The following HFM1 variants were observed in gnomAD, a reference collection of about 807,000 sequenced individuals.
HFM1 encodes the protein helicase for meiosis 1.
Under a neutral mutation model 192.1 loss-of-function variants are expected in HFM1, and 169 were observed. The ratio of observed to expected loss-of-function variants is 0.88; its 90% confidence interval spans 0.78 to 1.00. HFM1 has a LOEUF of 1.00. Among genes scored for constraint, HFM1 ranks in the 50% least tolerant of loss-of-function variants. HFM1 has a pLI of 0.00. For missense variants in HFM1, 1,661 were observed against 1,668.0 expected, an observed-to-expected ratio of 1.00 and a Z score of 0.07; for synonymous variants, 525 against 537.8, an observed-to-expected ratio of 0.98 and a Z score of 0.33.
chr1:91,400,906 TC>T (rs1664237362), intron 2 of HFM1, 105 bp downstream of exon 2: 1 of 546,622 alleles, frequency 1.8e-6, no homozygotes, highest in South Asian at 3.0e-5. Context: ...TTCTGTTGAT[TC>T]CTCATTTTTA....
rs1467979602 is a variant in HFM1 at position 91,292,008 on chromosome 1, AT to A, written c.3392-14947del. On this transcript the variant is annotated intron_variant, in intron 30 of 38. Transcript: ENST00000370425. The stretch of plus-strand genomic sequence containing the variant: ...CTTTGACAAAATTCAACAACACTTC[AT>A]GCTAAAAACTCTCAATAAATTAGGT... Among the ~76,000 whole-genome samples, 3 of 152,204 alleles carry A rather than the reference AT, an allele frequency of 2.0e-5. No individual in the cohort carries two copies. The East Asian group carries it at 5.8e-4, about 29-fold the overall frequency.
chr1:91,307,610 A>G (rs1457928085), intron 30 of HFM1, among the ~76,000 whole-genome samples: 1 of 151,668 alleles, frequency 6.6e-6, no homozygotes, highest in Non-Finnish European at 1.5e-5. Flanking sequence ...ACATCACCAC[A>G]CTCACTAATT....
chr1:91,324,082 A>C (rs1026208005), intron 21 of HFM1, among the ~76,000 whole-genome samples: 6 of 152,210 alleles, frequency 3.9e-5, no homozygotes, highest in Non-Finnish European at 7.3e-5. Context: ...TACCAATGAC[A>C]TGCCTATGGT....
Position 91,396,392 on chromosome 1 carries a change from C to T in HFM1, c.85G>A (p.Glu29Lys). The change falls in exon 3 of 39, where the codon GAA becomes AAA. Residue 29 changes from glutamate (E) to lysine (K), a missense_variant. Coordinates refer to ENST00000370425, the MANE Select transcript of HFM1 (RefSeq NM_001017975.6). ...PDEVENHPDNEKSLDWFLPPA... is the reference protein window; with the variant it reads ...PDEVENHPDNKKSLDWFLPPA... ...GGGAGAAACCAATCCAATGACTTTTCATTGTCTGGATGGCTATATAAAATA... is the reference window on the plus strand; with the variant it reads ...GGGAGAAACCAATCCAATGACTTTTTATTGTCTGGATGGCTATATAAAATA... The T allele has an allele frequency of 6.3e-7, 1 of 1,579,370 alleles. No individual in the cohort carries two copies. The highest frequency in any genetic ancestry group is 1.1e-5 in the South Asian group (1 of 87,794).
intron 13 of HFM1, 63 bp downstream of exon 13, chr1:91,375,295 C>G (rs1660770727): frequency 8.6e-7 from 1 of 1,158,808 alleles, no homozygotes; most frequent in Non-Finnish European, 1.3e-6. Context: ...GCCTAATTTT[C>G]TCATGTCATC....
In HFM1 at chr1:91,348,287, CATACATAATATTGATAAA is replaced by C. The variant is rs566534938; in HGVS notation, c.2207-829_2207-812del. Among the ~76,000 whole-genome samples the C allele has an allele frequency of 2.0e-5, 3 of 152,124 alleles. No individual in the cohort carries two copies. In the South Asian group the frequency reaches 6.2e-4, roughly 32 times the overall value. On this transcript the variant is annotated intron_variant, in intron 18 of 38. Coordinates refer to ENST00000370425, the MANE Select transcript of HFM1 (RefSeq NM_001017975.6). ...TAAAACATGAAAAGATACCAATATT[CATACATAATATTGATAAA>C]AATACACAAGCATACACCCTGAAGG...
chr1:91,285,918 G>A (rs1310442542), intron 30 of HFM1, among the ~76,000 whole-genome samples: 1 of 152,062 alleles, frequency 6.6e-6, no homozygotes, highest in Non-Finnish European at 1.5e-5. Context: ...TTAGTCACTT[G>A]GTAGGTGTCT....
chr1:91,358,187 A>C lies in HFM1; in HGVS notation c.1686-4888T>G, dbSNP rs528621598. Among the ~76,000 whole-genome samples, 22 of 152,200 alleles carry C rather than the reference A, an allele frequency of 1.4e-4. 1 individual carries two copies. The highest frequency in any genetic ancestry group is 3.4e-3 in the Middle Eastern group (1 of 294). On this transcript the variant is annotated intron_variant, in intron 13 of 38. Transcript: ENST00000370425. The stretch of plus-strand genomic sequence containing the variant: ...ACATGGTGAAACCCCATCTCTACTA[A>C]AAATACAAATGGTGTGAACCTGGGA...
intron 30 of HFM1, among the ~76,000 whole-genome samples, chr1:91,306,550 T>C (rs1570891746): frequency 6.6e-6 from 1 of 152,298 alleles, no homozygotes; most frequent in African/African-American, 2.4e-5. Context: ...TAAACCATAC[T>C]TAATTGTGCT....
chr1:91,353,170 C>T lies in HFM1; in HGVS notation c.1730-18G>A, dbSNP rs777223413. 2 of 1,564,332 alleles carry T rather than the reference C, an allele frequency of 1.3e-6. No homozygotes were observed. Among genetic ancestry groups the T allele is most frequent in the Non-Finnish European group, 1.8e-6 (2 of 1,136,856 alleles). On this transcript the variant is annotated intron_variant, in intron 14 of 38. Coordinates refer to ENST00000370425, the MANE Select transcript of HFM1 (RefSeq NM_001017975.6). ...TAAGATATCTGTAATAGAAATATAT[C>T]AGCTGTTACTATTAATATTTCATCA...
At chr1:91,264,235 C>A (rs1041934495) in intron 36 of HFM1, among the ~76,000 whole-genome samples, 4 of 151,698 alleles carry the variant, frequency 2.6e-5, no homozygotes, top group Admixed American at 1.3e-4. Context: ...GAGAGGGAGA[C>A]TAAACAATAC....
At position 91,353,027 on chromosome 1, in the gene HFM1, C is replaced by A. The variant is rs200504264; in HGVS notation, c.1831+24G>T. 1.5e-5 allele frequency: 21 copies of A among 1,388,020 alleles called. No individual in the cohort carries two copies. The African/African-American group carries it at 2.3e-4, about 15-fold the overall frequency. 86.0% of individuals were successfully genotyped at this position (1,388,020 alleles called of 1,614,324 possible). A position where few individuals can be genotyped will look rare whatever the true frequency, so the allele number is the denominator to read the frequency against. ...AATTTTCCAAAATATTTTATAGTAT[C>A]CACGAGAAATATGTTTTACTTACAA... is the stretch of plus-strand genomic sequence containing the variant. On this transcript the variant is annotated intron_variant, in intron 15 of 38. Coordinates refer to ENST00000370425, the MANE Select transcript of HFM1 (RefSeq NM_001017975.6).
intron 23 of HFM1, among the ~76,000 whole-genome samples, chr1:91,320,519 TGG>T (rs1651934990): frequency 6.6e-6 from 1 of 152,178 alleles, no homozygotes; most frequent in Admixed American, 6.5e-5. Flanking sequence ...TGCACAAATG[TGG>T]AGTAAGAAAT....
rs72970375 is a variant in HFM1, at chr1:91,389,810, C to A, written c.495-3976G>T. ...AGTAGGATGGCTATAATAAAAAAGA[C>A]AGAAAATAACAAGTACTGGACAGAA... On this transcript the variant is annotated intron_variant, in intron 4 of 38. Transcript: ENST00000370425. Among the ~76,000 whole-genome samples, 353 of 152,192 alleles carry A rather than the reference C, an allele frequency of 2.3e-3. 1 individual carries two copies. The highest frequency in any genetic ancestry group is 8.0e-3 in the African/African-American group (332 of 41,504).
Position 91,394,389 on chromosome 1 carries a change from C to T in HFM1, c.198G>A (p.Arg66=), listed in dbSNP as rs1663392303. The T allele has an allele frequency of 3.3e-6, 5 of 1,516,606 alleles. No homozygotes were observed. Among genetic ancestry groups the T allele is most frequent in the Non-Finnish European group, 4.5e-6 (5 of 1,103,706 alleles). The allele number at this position is 1,516,606 out of a possible 1,614,324, so 93.9% of individuals were successfully genotyped here. ...ESHKLLGQEK[R]PKMLTSNLKI... ...TTAAATTTGATGTTAACATTTTTGG[C>T]CTCTTTTCCTGACCTACAAAAAAGG... is the stretch of plus-strand genomic sequence containing the variant. Residue 66 remains arginine, a synonymous_variant, in exon 4 of 39, where the codon AGG becomes AGA. Coordinates refer to ENST00000370425, the MANE Select transcript of HFM1 (RefSeq NM_001017975.6).
intron 30 of HFM1, among the ~76,000 whole-genome samples, chr1:91,312,372 C>A (rs975120156): frequency 1.2e-4 from 18 of 152,138 alleles, no homozygotes; most frequent in African/African-American, 4.3e-4. Flanking sequence ...AGGGGTGGAT[C>A]TTCCCAAGAC....
At position 91,322,966 on chromosome 1, in the gene HFM1, C is replaced by A. The variant is rs1652352716; in HGVS notation, c.2566G>T (p.Glu856Ter). The change falls in exon 23 of 39, where the codon GAA (glutamate) becomes TAA (stop). Residue 856 changes from glutamate to a stop codon, truncating the protein, a stop_gained. Coordinates refer to ENST00000370425, the MANE Select transcript of HFM1 (RefSeq NM_001017975.6). LOFTEE classifies it high-confidence loss of function. The stretch of plus-strand genomic sequence containing the variant: ...CATCTTTACCAATTTACTTTCATTT[C>A]TCTTGTTTTAATTCTTCCTTCCATT... Reference protein sequence around the residue: ...FPMEGRIKTREMKVNCLIQAQ... With the variant: ...FPMEGRIKTR The A allele has an allele frequency of 1.5e-6, 2 of 1,369,690 alleles. No homozygotes were observed. Among genetic ancestry groups the A allele is most frequent in the Non-Finnish European group, 2.0e-6 (2 of 1,021,564 alleles). The allele number at this position is 1,369,690 out of a possible 1,614,324, so 84.8% of individuals were successfully genotyped here. A position where few individuals can be genotyped will look rare whatever the true frequency, so the allele number is the denominator to read the frequency against.
chr1:91,290,653 G>A (rs1269929056), intron 30 of HFM1, among the ~76,000 whole-genome samples: 2 of 152,012 alleles, frequency 1.3e-5, no homozygotes, highest in African/African-American at 4.8e-5. Context: ...GAGACAGAAA[G>A]TCAACAAGGA....
rs1553128628 is a variant in HFM1 at position 91,377,790 on chromosome 1, T to TAGATACTAGCAAACG, written c.1395+220_1395+234dup. On this transcript the variant is annotated intron_variant, in intron 11 of 38. Coordinates refer to ENST00000370425, the MANE Select transcript of HFM1 (RefSeq NM_001017975.6). ...CTGAAACCCAGGAAACTAAGACTGT[T>TAGATACTAGCAAACG]AGATACTAGCAAACGAGATGTCCAC... 1.4e-5 allele frequency: 7 copies of TAGATACTAGCAAACG among 499,014 alleles called. No homozygotes were observed. The East Asian group carries it at 2.6e-4, about 19-fold the overall frequency. The allele number at this position is 499,014 out of a possible 1,614,324, so 30.9% of individuals were successfully genotyped here.
Sources: allele counts gnomAD v4.1 joint callset (sites outside exome capture counted in the v4.1 genomes callset), GRCh38; gene constraint gnomAD v4.1.1; transcripts MANE v1.5; gene names NCBI Gene and HGNC (gene_info 2026-07-23, HGNC 2026-07-21).